Variants in ECD observed in about 807,000 individuals in gnomAD.
ECD encodes protein ecdysoneless homolog.
A neutral mutation model predicts 77.2 loss-of-function variants in ECD; 59 were observed. That is an observed-to-expected ratio of 0.76 (90% confidence interval 0.62 to 0.95). The LOEUF (loss-of-function observed/expected upper bound fraction) is 0.95, where lower values mean the gene tolerates loss of function less well. ECD is among the 40% of genes least tolerant of loss of function. ECD has a pLI of 0.00. For missense variants in ECD, 704 were observed against 763.4 expected (o/e 0.92, Z 0.92); for synonymous variants, 233 against 267.4 (o/e 0.87, Z 1.26).
chr10:73,149,326 T>C (rs1049067909), intron 7 of ECD, among the ~76,000 whole-genome samples: 4 of 146,572 alleles, frequency 2.7e-5, no homozygotes, highest in African/African-American at 1.1e-4. Context: ...CAACTTATGA[T>C]GGTTTGACTT....
Position 73,154,395 on chromosome 10 carries a change from G to A in ECD, c.644C>T (p.Ala215Val). The change falls in exon 6 of 14, where the codon GCT becomes GTT. Residue 215 changes from alanine to valine, a missense_variant. Physicochemically the swap from Ala to Val is moderately conservative, Grantham distance 64. Transcript: ENST00000372979. ...CTGCTTTAGCACTGCCACAATGCCA[G>A]CTGGAAGGAAGCAGTGTGCTCGATG... ...SLHRAHCFLP[A>V]GIVAVLKQRP... 1 of 1,613,942 alleles carries A rather than the reference G, an allele frequency of 6.2e-7. No homozygotes were observed. The highest frequency in any genetic ancestry group is 8.5e-7 in the Non-Finnish European group (1 of 1,180,002).
chr10:73,151,467 G>A (rs1843204740), intron 7 of ECD, among the ~76,000 whole-genome samples: 1 of 151,458 alleles, frequency 6.6e-6, no homozygotes, highest in African/African-American at 2.4e-5. Flanking sequence ...CATGGCGCGT[G>A]TATACGTATG....
chr10:73,165,787 T>C (rs1843449881), intron 1 of ECD, among the ~76,000 whole-genome samples: 1 of 147,460 alleles, frequency 6.8e-6, no homozygotes, highest in Non-Finnish European at 1.5e-5. Flanking sequence ...TTATACTCTT[T>C]TAGTTATTTT....
chr10:73,155,867 G>A (rs1019947876), intron 5 of ECD, among the ~76,000 whole-genome samples: 1 of 152,122 alleles, frequency 6.6e-6, no homozygotes, highest in African/African-American at 2.4e-5. Context: ...GCCTCCCAAA[G>A]TGCTGGGATT....
intron 3 of ECD, among the ~76,000 whole-genome samples, chr10:73,157,759 T>C (rs1843316289): frequency 6.6e-6 from 1 of 151,548 alleles, no homozygotes; most frequent in Non-Finnish European, 1.5e-5. Flanking sequence ...AAAGTCTCCC[T>C]CCTACTTTTG....
At position 73,154,291 on chromosome 10, in the gene ECD, T is replaced by C; in HGVS notation, c.748A>G (p.Lys250Glu). Residue 250 changes from lysine to glutamate, a missense_variant, in exon 6 of 14, where the codon AAG (lysine) becomes GAG (glutamate). By Grantham distance (56) the Lys-to-Glu change is moderately conservative. This residue lies in a region of ECD where 559 missense variants were observed against 583.7 expected (regional missense o/e 0.96). Transcript: ENST00000372979. Reference protein sequence around the residue: ...PIDLRACRVFKTFLPETRIMT... With the variant: ...PIDLRACRVFETFLPETRIMT... ...ATTCGTGTTTCAGGCAAGAATGTCT[T>C]GAAAACACGACAAGCTCGCAGGTCA... 1 of 1,611,452 alleles carries C rather than the reference T, an allele frequency of 6.2e-7. No individual in the cohort carries two copies.
chr10:73,164,097 A>G, intron 1 of ECD, 147 bp from the exon 2 acceptor site: 1 of 644,282 alleles, frequency 1.6e-6, no homozygotes, highest in Non-Finnish European at 2.6e-6. Flanking sequence ...TCACTTTGGG[A>G]GGCCGAGACA....
chr10:73,152,359 C>T lies in ECD; in HGVS notation c.846G>A (p.Arg282=). ...ATGGAGGAGGCAGCCTGTATCCACTCCGCCGGTCTGGCACAAACCTTTGTT... is the reference window on the plus strand; with the variant it reads ...ATGGAGGAGGCAGCCTGTATCCACTTCGCCGGTCTGGCACAAACCTTTGTT... The part of the protein sequence containing the change: ...LVQQRFVPDR[R]SGYRLPPPSD... The change falls in exon 7 of 14, where the codon CGG becomes CGA. Residue 282 remains arginine, a synonymous_variant. Coordinates refer to ENST00000372979, the MANE Select transcript of ECD (RefSeq NM_007265.3). 2 of 1,613,958 alleles carry T rather than the reference C, an allele frequency of 1.2e-6. No homozygotes were observed. The highest frequency in any genetic ancestry group is 4.5e-5 in the East Asian group (2 of 44,874).
Position 73,139,537 on chromosome 10 carries a change from A to G in ECD, c.1235-42T>C, listed in dbSNP as rs370377456. On this transcript the variant is annotated intron_variant, in intron 10 of 13. Coordinates refer to ENST00000372979, the MANE Select transcript of ECD (RefSeq NM_007265.3). ...CATAATACTGCCATTCTACATTCAC[A>G]TAAGTCCTCTTAGGAGAGGATCCTG... The G allele has an allele frequency of 2.1e-5, 33 of 1,604,728 alleles. No homozygotes were observed. The East Asian group carries it at 2.7e-4, about 13-fold the overall frequency.
At chr10:73,153,822 G>T (rs1843255124) in intron 6 of ECD, among the ~76,000 whole-genome samples, 1 of 151,640 alleles carries the variant, frequency 6.6e-6, no homozygotes, top group Admixed American at 6.6e-5. Context: ...TGGGGAGGCA[G>T]GTCTCTTGAA....
chr10:73,148,354 G>C lies in ECD; in HGVS notation c.963C>G (p.Asp321Glu), dbSNP rs781657306. ...AGGCAGTCACAAGGGATTTCTTGCAGTCAGAAAAATGTGGGCTACATTTGG... is the reference window on the plus strand; with the variant it reads ...AGGCAGTCACAAGGGATTTCTTGCACTCAGAAAAATGTGGGCTACATTTGG... Reference protein sequence around the residue: ...LCSKCSPHFSDCKKSLVTASP... With the variant: ...LCSKCSPHFSECKKSLVTASP... Residue 321 changes from aspartate (D) to glutamate (E), a missense_variant, in exon 8 of 14, where the codon GAC becomes GAG. This residue lies in a region of ECD where 559 missense variants were observed against 583.7 expected (regional missense o/e 0.96). Coordinates refer to ENST00000372979, the MANE Select transcript of ECD (RefSeq NM_007265.3). The C allele has an allele frequency of 6.2e-7, 1 of 1,613,910 alleles. No homozygotes were observed. Among genetic ancestry groups the C allele is most frequent in the Admixed American group, 1.7e-5 (1 of 60,014 alleles).
intron 7 of ECD, 68 bp from the exon 8 acceptor site, chr10:73,148,472 C>T (rs775064560): frequency 6.5e-6 from 10 of 1,548,852 alleles, no homozygotes; most frequent in South Asian, 1.2e-5. Context: ...TAACACATTA[C>T]TTTTTTTCCA....
At chr10:73,137,878 G>T in intron 12 of ECD, 125 bp downstream of exon 12, 1 of 632,266 alleles carries the variant, frequency 1.6e-6, no homozygotes, top group Non-Finnish European at 2.5e-6. Flanking sequence ...ATGGTTGAAA[G>T]CAACTCAAAC....
chr10:73,151,886 C>T (rs1021644194), intron 7 of ECD, among the ~76,000 whole-genome samples: 1 of 152,082 alleles, frequency 6.6e-6, no homozygotes, highest in Non-Finnish European at 1.5e-5. Flanking sequence ...TTTTCTTTCC[C>T]GTGCAGAAAT....
At chr10:73,145,115 G>A (rs1262167483) in intron 9 of ECD, among the ~76,000 whole-genome samples, 1 of 152,132 alleles carries the variant, frequency 6.6e-6, no homozygotes, top group Non-Finnish European at 1.5e-5. Context: ...TGTAATCTCA[G>A]CACTTTGGGA....
chr10:73,161,635 C>T (rs931561717), intron 2 of ECD, among the ~76,000 whole-genome samples: 7 of 152,162 alleles, frequency 4.6e-5, no homozygotes, highest in Non-Finnish European at 8.8e-5. Flanking sequence ...GACACCAATC[C>T]TCCTCAAAAT....
chr10:73,137,775 C>CAA (rs1196092650), intron 12 of ECD, among the ~76,000 whole-genome samples: 6,027 of 92,692 alleles, frequency 0.065, 440 homozygotes, highest in African/African-American at 0.19. Flanking sequence ...GACACTGTCT[C>CAA]AAAAAAAAAA....
At chr10:73,141,933 CA>C (rs1210236318) in intron 9 of ECD, among the ~76,000 whole-genome samples, 1 of 152,162 alleles carries the variant, frequency 6.6e-6, no homozygotes, top group Non-Finnish European at 1.5e-5. Context: ...TCACTCAACA[CA>C]TAAGTATCTC....
Position 73,136,751 on chromosome 10 carries a change from G to C in ECD, c.1657C>G (p.Leu553Val). Residue 553 changes from leucine to valine, a missense_variant, in exon 13 of 14, where the codon CTA (leucine) becomes GTA (valine). Leu to Val is a conservative substitution (Grantham distance 32). Transcript: ENST00000372979. ...KSYMAQMDQE[L>V]AHTCISKSFT... ...CTTTTGCTGATGCAGGTGTGTGCTA[G>C]TTCCTGGTCCATCTGGGCCATGTAT... 5.6e-6 allele frequency: 9 copies of C among 1,614,094 alleles called. No individual in the cohort carries two copies. The highest frequency in any genetic ancestry group is 7.6e-6 in the Non-Finnish European group (9 of 1,179,992).
Sources: allele counts gnomAD v4.1 joint callset (sites outside exome capture counted in the v4.1 genomes callset), GRCh38; gene constraint gnomAD v4.1.1; regional missense constraint gnomAD v4.1.1; transcripts MANE v1.5; gene names NCBI Gene and HGNC (gene_info 2026-07-23, HGNC 2026-07-21).